The following SCHIP1 variants were observed in gnomAD, a reference collection of about 807,000 sequenced individuals.
SCHIP1 encodes schwannomin interacting protein 1, also known as schwannomin-interacting protein 1.
In SCHIP1, 8 loss-of-function variants were observed where a neutral mutation model predicts 29.7. The ratio of observed to expected loss-of-function variants is 0.27; its 90% confidence interval spans 0.16 to 0.49. The LOEUF (loss-of-function observed/expected upper bound fraction) is 0.49. Ranked by LOEUF, SCHIP1 falls within the 20% of genes least tolerant of loss-of-function variation. SCHIP1 has a pLI of 0.99. For missense variants in SCHIP1, 193 were observed against 294.6 expected, an observed-to-expected ratio of 0.66 and a Z score of 2.52; for synonymous variants, 76 against 94.9, an observed-to-expected ratio of 0.80 and a Z score of 1.16.
At chr3:159,692,768 C>T in the SCHIP1 span, among the ~76,000 whole-genome samples, 1 of 150,938 alleles carries the variant, frequency 6.6e-6, no homozygotes, top group Non-Finnish European at 1.5e-5. Flanking sequence ...AGGAAAAATA[C>T]GTCCAATAAT....
chr3:159,446,581 A>G, the SCHIP1 span, among the ~76,000 whole-genome samples: 1 of 152,194 alleles, frequency 6.6e-6, no homozygotes, highest in Non-Finnish European at 1.5e-5. Flanking sequence ...CAGCAATACA[A>G]TATTGTTGTA....
the SCHIP1 span, among the ~76,000 whole-genome samples, chr3:159,469,601 A>G: frequency 3.2e-4 from 48 of 152,278 alleles, no homozygotes; most frequent in African/African-American, 1.1e-3. Flanking sequence ...TTGGTGGAAG[A>G]CCACCATGAG....
At chr3:159,608,392 T>C in the SCHIP1 span, among the ~76,000 whole-genome samples, 3 of 152,218 alleles carry the variant, frequency 2.0e-5, no homozygotes, top group African/African-American at 4.8e-5. Context: ...AAGTGACATA[T>C]TGCATTCTTT....
intron 2 of SCHIP1, among the ~76,000 whole-genome samples, chr3:159,877,934 G>A (rs933088219): frequency 2.0e-5 from 3 of 152,216 alleles, no homozygotes; most frequent in Non-Finnish European, 4.4e-5. Context: ...CTGGATTGAG[G>A]AGGGATGTCA....
chr3:159,774,052 T>A, the SCHIP1 span, among the ~76,000 whole-genome samples: 1 of 152,230 alleles, frequency 6.6e-6, no homozygotes, highest in East Asian at 1.9e-4. Flanking sequence ...ATTTGTAGTG[T>A]TTTTGAGTGT....
At chr3:159,346,505 T>C in the SCHIP1 span, among the ~76,000 whole-genome samples, 6 of 152,260 alleles carry the variant, frequency 3.9e-5, no homozygotes, top group South Asian at 1.0e-3. Flanking sequence ...TTGACATGCC[T>C]ATTTTTAATT....
intron 2 of SCHIP1, among the ~76,000 whole-genome samples, chr3:159,880,312 T>C (rs1286662270): frequency 6.6e-6 from 1 of 152,212 alleles, no homozygotes; most frequent in Non-Finnish European, 1.5e-5. Context: ...CCTCCTTCCT[T>C]TTGCAGTTTT....
the SCHIP1 span, among the ~76,000 whole-genome samples, chr3:159,734,135 CTTTTTTTT>C: frequency 2.0e-5 from 2 of 100,938 alleles, no homozygotes; most frequent in South Asian, 6.8e-4. Context: ...TTATTGTTTA[CTTTTTTTT>C]TTTTTTTTTT....
At chr3:159,889,041 G>C in intron 5 of SCHIP1, 98 bp downstream of exon 6, 1 of 1,424,786 alleles carries the variant, frequency 7.0e-7, no homozygotes. Context: ...ACATTTCATT[G>C]GGTTCCTGTG....
chr3:159,662,367 ATTTACG>A, the SCHIP1 span, among the ~76,000 whole-genome samples: 1 of 152,174 alleles, frequency 6.6e-6, no homozygotes, highest in African/African-American at 2.4e-5. Flanking sequence ...AGAAAATTAA[ATTTACG>A]TTTGAGTACT....
At chr3:159,462,318 A>G in the SCHIP1 span, among the ~76,000 whole-genome samples, 1 of 152,134 alleles carries the variant, frequency 6.6e-6, no homozygotes, top group East Asian at 1.9e-4. Flanking sequence ...CTCTCTGGGC[A>G]CCATTGCTGA....
At chr3:159,834,567 GTTTA>G in the SCHIP1 span, among the ~76,000 whole-genome samples, 3 of 152,142 alleles carry the variant, frequency 2.0e-5, no homozygotes, top group Non-Finnish European at 4.4e-5. Context: ...ATTTTTAAAG[GTTTA>G]TTGTCTGTAG....
chr3:159,624,399 A>G, the SCHIP1 span, among the ~76,000 whole-genome samples: 1 of 152,186 alleles, frequency 6.6e-6, no homozygotes. Flanking sequence ...CCTCTGGACA[A>G]CTCAGTGATT....
the SCHIP1 span, among the ~76,000 whole-genome samples, chr3:159,557,961 C>T: frequency 6.6e-6 from 1 of 152,174 alleles, no homozygotes; most frequent in African/African-American, 2.4e-5. Flanking sequence ...GGGTAAGATA[C>T]GAAGGCTGTT....
the SCHIP1 span, among the ~76,000 whole-genome samples, chr3:159,763,114 TA>T: frequency 6.6e-6 from 1 of 152,130 alleles, no homozygotes; most frequent in African/African-American, 2.4e-5. Flanking sequence ...AAACGTGAGC[TA>T]AAGCAACAGG....
the SCHIP1 span, among the ~76,000 whole-genome samples, chr3:159,409,269 T>C: frequency 6.6e-6 from 1 of 152,050 alleles, no homozygotes; most frequent in Non-Finnish European, 1.5e-5. Context: ...TTCAATATAA[T>C]GCTGGAATTC....
the SCHIP1 span, among the ~76,000 whole-genome samples, chr3:159,548,356 T>G: frequency 6.6e-6 from 1 of 152,042 alleles, no homozygotes; most frequent in Admixed American, 6.6e-5. Context: ...TTTAGGAATT[T>G]GCCTTTTTTC....
the SCHIP1 span, among the ~76,000 whole-genome samples, chr3:159,344,596 C>CA: frequency 1.8e-4 from 27 of 152,148 alleles, no homozygotes; most frequent in African/African-American, 5.3e-4. Flanking sequence ...AGACATTTGA[C>CA]AAAATACCTG....
the SCHIP1 span, among the ~76,000 whole-genome samples, chr3:159,284,689 G>T: frequency 0.11 from 17,015 of 151,924 alleles, 1,085 homozygotes; most frequent in Middle Eastern, 0.14. Context: ...TAGAGATTGG[G>T]TTTCATCATG....
Sources: gnomAD v4.1 joint callset for allele counts (sites outside exome capture counted in the v4.1 genomes callset) on GRCh38, gnomAD v4.1.1 for gene constraint, MANE v1.5 for transcripts, NCBI Gene and HGNC (gene_info 2026-07-23, HGNC 2026-07-21) for gene names.